The following SIPA1L1 variants were observed in gnomAD, a reference collection of about 807,000 sequenced individuals.
SIPA1L1 encodes signal induced proliferation associated 1 like 1.
In SIPA1L1, 26 loss-of-function variants were observed where a neutral mutation model predicts 162.7. The ratio of observed to expected loss-of-function variants is 0.16; its 90% confidence interval spans 0.12 to 0.22. The LOEUF (loss-of-function observed/expected upper bound fraction) is 0.22. Among genes scored for constraint, SIPA1L1 ranks in the 10% least tolerant of loss-of-function variants. The probability of loss-of-function intolerance (pLI) is 1.00; values close to 1 mark genes in which losing one functional copy is unlikely to be tolerated. For synonymous variants in SIPA1L1, 829 were observed against 837.4 expected (o/e 0.99, Z 0.17); for missense variants, 1,874 against 2,241.0 (o/e 0.84, Z 3.31).
chr14:71,416,310 T>C (rs1030922378), intron 2 of SIPA1L1: 1 of 152,164 alleles, frequency 6.6e-6, no homozygotes, highest in Admixed American at 6.5e-5. Context: ...AACTGATGGA[T>C]CTCATGACTC....
At chr14:71,391,508 G>T (rs1353265076) in intron 2 of SIPA1L1, among the ~76,000 whole-genome samples, 3 of 152,180 alleles carry the variant, frequency 2.0e-5, no homozygotes, top group African/African-American at 7.2e-5. Context: ...TGAAGGACAG[G>T]TAAATGCTGC....
At chr14:71,417,469 CAAAAAAAAAAAAAAAAAAAAA>C (rs58628136) in intron 2 of SIPA1L1, among the ~76,000 whole-genome samples, 24 of 17,770 alleles carry the variant, frequency 1.4e-3, no homozygotes, top group African/African-American at 4.6e-3. Flanking sequence ...GACTCCGTCT[CAAAAAAAAAAAAAAAAAAAAA>C]AAAAAAAAAA....
chr14:71,342,310 G>A (rs1337875478), intron 2 of SIPA1L1, among the ~76,000 whole-genome samples: 1 of 152,114 alleles, frequency 6.6e-6, no homozygotes, highest in Non-Finnish European at 1.5e-5. Context: ...GTGAGCCACC[G>A]TACCTGGCCT....
chr14:71,405,678 C>T (rs912246919), intron 2 of SIPA1L1, among the ~76,000 whole-genome samples: 3 of 152,176 alleles, frequency 2.0e-5, no homozygotes, highest in African/African-American at 7.2e-5. Context: ...ATCTTGTTCT[C>T]TTTGTGTCAC....
At chr14:71,685,841 C>T (rs2046245648) in intron 13 of SIPA1L1, among the ~76,000 whole-genome samples, 1 of 152,224 alleles carries the variant, frequency 6.6e-6, no homozygotes, top group Admixed American at 6.5e-5. Flanking sequence ...TTCAGCTCTG[C>T]ACACTGGTAT....
chr14:71,544,023 G>GCACATGTATGTATATACACACGCACA (rs1567179781), intron 4 of SIPA1L1, among the ~76,000 whole-genome samples: 2 of 143,118 alleles, frequency 1.4e-5, no homozygotes, highest in African/African-American at 5.2e-5. Context: ...ATACACATAC[G>GCACATGTATGTATATACACACGCACA]CACATGTATG....
At chr14:71,473,705 A>G (rs1377892149) in intron 2 of SIPA1L1, among the ~76,000 whole-genome samples, 2 of 152,206 alleles carry the variant, frequency 1.3e-5, no homozygotes, top group African/African-American at 4.8e-5. Flanking sequence ...CTTTTATATA[A>G]TGGTACTTTA....
chr14:71,520,161 T>TGAGG (rs2144816643), intron 3 of SIPA1L1, among the ~76,000 whole-genome samples: 1 of 152,306 alleles, frequency 6.6e-6, no homozygotes, highest in East Asian at 1.9e-4. Context: ...GAAAGCTTGA[T>TGAGG]GAGGTACCAG....
At position 71,587,836 on chromosome 14, in the gene SIPA1L1, C is replaced by T; in HGVS notation, c.-37C>T. The T allele has an allele frequency of 2.6e-6, 4 of 1,563,646 alleles. No homozygotes were observed. Among genetic ancestry groups the T allele is most frequent in the Non-Finnish European group, 3.5e-6 (4 of 1,147,932 alleles). On this transcript the variant is annotated 5_prime_UTR_variant, in exon 5 of 24. Transcript: ENST00000381232. ...CATTTAAAACACAGATATGATGGTC[C>T]TTGCTGCAGGGATTTAAGTCTACTT...
At chr14:71,735,588 A>G in intron 22 of SIPA1L1, 197 bp downstream of exon 22, 1 of 508,002 alleles carries the variant, frequency 2.0e-6, no homozygotes, top group Non-Finnish European at 3.5e-6. Context: ...TTGATGACTT[A>G]TACGGCCATA....
intron 2 of SIPA1L1, among the ~76,000 whole-genome samples, chr14:71,375,423 A>T (rs911292707): frequency 4.0e-5 from 6 of 151,672 alleles, no homozygotes; most frequent in South Asian, 2.1e-4. Flanking sequence ...AATATACTTG[A>T]TTTTTTTTTA....
At chr14:71,652,495 T>G (rs1400889387) in intron 8 of SIPA1L1, among the ~76,000 whole-genome samples, 1 of 152,194 alleles carries the variant, frequency 6.6e-6, no homozygotes, top group Non-Finnish European at 1.5e-5. Flanking sequence ...GTTTGTAGTT[T>G]TTATCAAATT....
intron 2 of SIPA1L1, among the ~76,000 whole-genome samples, chr14:71,332,286 A>G (rs1242239775): frequency 2.6e-5 from 4 of 152,088 alleles, no homozygotes; most frequent in African/African-American, 9.7e-5. Context: ...TAAACAGGAT[A>G]CATGGTTCCT....
chr14:71,466,323 G>A (rs997514937), intron 2 of SIPA1L1, among the ~76,000 whole-genome samples: 2 of 152,162 alleles, frequency 1.3e-5, no homozygotes, highest in African/African-American at 4.8e-5. Context: ...CAGAGCAAAC[G>A]AACACAGTGA....
intron 2 of SIPA1L1, among the ~76,000 whole-genome samples, chr14:71,453,938 G>A (rs1325643482): frequency 3.7e-5 from 5 of 133,864 alleles, no homozygotes; most frequent in African/African-American, 1.4e-4. Context: ...AAGTTGCAGT[G>A]AACTGAGATC....
intron 2 of SIPA1L1, among the ~76,000 whole-genome samples, chr14:71,449,733 C>G (rs565985820): frequency 2.8e-4 from 42 of 152,286 alleles, no homozygotes; most frequent in African/African-American, 9.9e-4. Flanking sequence ...GGGGGACTGT[C>G]TCAGTTAAGC....
chr14:71,707,859 C>A (rs1416930730), intron 16 of SIPA1L1, among the ~76,000 whole-genome samples: 1 of 151,972 alleles, frequency 6.6e-6, no homozygotes, highest in East Asian at 1.9e-4. Flanking sequence ...ATAGTTACCA[C>A]CCCATTTTAT....
chr14:71,506,183 ATTG>A (rs2050652380), intron 2 of SIPA1L1, among the ~76,000 whole-genome samples: 2 of 152,086 alleles, frequency 1.3e-5, no homozygotes, highest in African/African-American at 2.4e-5. Flanking sequence ...ATATATGTCT[ATTG>A]TTGGATAATT....
chr14:71,341,600 T>C (rs1035230529), intron 2 of SIPA1L1, among the ~76,000 whole-genome samples: 3 of 152,210 alleles, frequency 2.0e-5, no homozygotes, highest in Admixed American at 2.0e-4. Flanking sequence ...AATCTCGTTA[T>C]GCAGGTACTG....
Sources: allele counts gnomAD v4.1 joint callset (sites outside exome capture counted in the v4.1 genomes callset), GRCh38; gene constraint gnomAD v4.1.1; transcripts MANE v1.5; gene names NCBI Gene and HGNC (gene_info 2026-07-23, HGNC 2026-07-21).